Variants in ZNF143 observed in about 807,000 individuals in gnomAD.
ZNF143 encodes the protein SPH-binding factor.
Under a neutral mutation model 74.1 loss-of-function variants are expected in ZNF143, and 49 were observed. That is an observed-to-expected ratio of 0.66 (90% CI 0.53 to 0.84). ZNF143 has a LOEUF of 0.84. ZNF143 is among the 40% of genes least tolerant of loss of function. The pLI, the probability that ZNF143 is intolerant of heterozygous loss-of-function variation, is 0.00. For missense variants in ZNF143, 637 were observed against 793.4 expected, an observed-to-expected ratio of 0.80 and a Z score of 2.37; for synonymous variants, 304 against 282.8, an observed-to-expected ratio of 1.07 and a Z score of -0.75.
intron 12 of ZNF143, 66 bp from the exon 13 acceptor site, chr11:9,512,382 A>G (rs2134180367): frequency 6.5e-7 from 1 of 1,547,572 alleles, no homozygotes; most frequent in South Asian, 1.2e-5. Context: ...TTTAATATTT[A>G]AAATGTCCTA....
chr11:9,500,171 T>A (rs1214790002), intron 10 of ZNF143, among the ~76,000 whole-genome samples: 1 of 151,870 alleles, frequency 6.6e-6, no homozygotes, highest in Non-Finnish European at 1.5e-5. Context: ...GGTCTTGAAC[T>A]CCTGAGCTCA....
intron 1 of ZNF143, among the ~76,000 whole-genome samples, chr11:9,464,417 A>G (rs553450169): frequency 6.6e-6 from 1 of 152,126 alleles, no homozygotes; most frequent in Admixed American, 6.5e-5. Flanking sequence ...CCTGGCCAAC[A>G]TGGTGAAACC....
chr11:9,461,063 A>G lies in ZNF143; in HGVS notation c.-21A>G. ...GTGGTCGGACGAAGGAATTGTTGGAAAATTTTCTCGGAGGTTCGTATATAA... is the reference window on the plus strand; with the variant it reads ...GTGGTCGGACGAAGGAATTGTTGGAGAATTTTCTCGGAGGTTCGTATATAA... On this transcript the variant is annotated 5_prime_UTR_variant, in exon 1 of 16. Transcript: ENST00000396602. 1 of 985,582 alleles carries G rather than the reference A, an allele frequency of 1.0e-6. No homozygotes were observed. Among genetic ancestry groups the G allele is most frequent in the Non-Finnish European group, 1.2e-6 (1 of 829,946 alleles). 61.1% of individuals were successfully genotyped at this position (985,582 alleles called of 1,614,324 possible).
intron 7 of ZNF143, among the ~76,000 whole-genome samples, chr11:9,491,544 C>T (rs1047680693): frequency 2.6e-5 from 4 of 151,826 alleles, no homozygotes; most frequent in African/African-American, 9.7e-5. Context: ...GAGGCTGAGG[C>T]AGGAGAATGG....
intron 2 of ZNF143, among the ~76,000 whole-genome samples, chr11:9,472,230 G>GT (rs1465523606): frequency 2.6e-5 from 4 of 152,004 alleles, no homozygotes; most frequent in African/African-American, 9.6e-5. Flanking sequence ...TTCCCAGCCT[G>GT]TTTTTGGTAA....
At chr11:9,471,526 C>G (rs894941507) in intron 2 of ZNF143, 106 bp downstream of exon 2, 7 of 773,786 alleles carry the variant, frequency 9.0e-6, no homozygotes, top group Admixed American at 3.7e-5. Flanking sequence ...CAATATAAAC[C>G]TAGGTCTTTT....
At chr11:9,493,882 A>G (rs1004617228) in intron 7 of ZNF143, among the ~76,000 whole-genome samples, 12 of 152,338 alleles carry the variant, frequency 7.9e-5, no homozygotes, top group African/African-American at 2.9e-4. Context: ...ATAAGTACAG[A>G]GTAGTAGTAT....
In ZNF143 at chr11:9,494,784, TTC is replaced by T; in HGVS notation, c.765+21_765+22del. The T allele has an allele frequency of 6.3e-7, 1 of 1,595,634 alleles. No individual in the cohort carries two copies. Among genetic ancestry groups the T allele is most frequent in the Non-Finnish European group, 8.6e-7 (1 of 1,165,232 alleles). ...TCTCAAGGTATATATAAAAGAAATG[TTC>T]TATCTAGTTATGAGAATACCTAGGA... On this transcript the variant is annotated intron_variant, in intron 8 of 15. Coordinates refer to ENST00000396602, the MANE Select transcript of ZNF143 (RefSeq NM_003442.6).
intron 4 of ZNF143, 30 bp from the exon 5 acceptor site, chr11:9,474,520 T>C: frequency 6.2e-7 from 1 of 1,605,246 alleles, no homozygotes; most frequent in South Asian, 1.1e-5. Flanking sequence ...CTAGAAAACA[T>C]GAGATCTAAA....
intron 11 of ZNF143, among the ~76,000 whole-genome samples, chr11:9,505,565 C>T (rs1848333830): frequency 6.6e-6 from 1 of 152,012 alleles, no homozygotes; most frequent in Admixed American, 6.6e-5. Context: ...AAACATGTAC[C>T]TACGAATGAG....
At chr11:9,467,845 C>CA (rs971001404) in intron 1 of ZNF143, among the ~76,000 whole-genome samples, 39,074 of 79,572 alleles carry the variant, frequency 0.49, 9,010 homozygotes, top group Non-Finnish European at 0.59. Flanking sequence ...ACTCCATCTC[C>CA]AAAAAAAAAA....
At chr11:9,479,436 T>C (rs1236409209) in intron 6 of ZNF143, 36 bp from the exon 7 acceptor site, 6 of 1,566,202 alleles carry the variant, frequency 3.8e-6, no homozygotes, top group Non-Finnish European at 4.4e-6. Context: ...ATTATCAAAA[T>C]GTAAAACATT....
At chr11:9,520,112 C>T (rs1245861816) in intron 14 of ZNF143, among the ~76,000 whole-genome samples, 1 of 143,110 alleles carries the variant, frequency 7.0e-6, no homozygotes, top group Non-Finnish European at 1.5e-5. Flanking sequence ...TCTCGGCTCA[C>T]TGCAACTTCC....
chr11:9,500,134 A>G (rs1419679020), intron 10 of ZNF143, among the ~76,000 whole-genome samples: 1 of 151,932 alleles, frequency 6.6e-6, no homozygotes, highest in African/African-American at 2.4e-5. Context: ...TTTTGTAGAG[A>G]CGGGGTTTCG....
At chr11:9,478,014 G>C (rs1172161362) in intron 5 of ZNF143, among the ~76,000 whole-genome samples, 2 of 152,150 alleles carry the variant, frequency 1.3e-5, no homozygotes, top group Non-Finnish European at 2.9e-5. Flanking sequence ...TTTTAGTAGA[G>C]AGGGTGTTTC....
intron 1 of ZNF143, among the ~76,000 whole-genome samples, chr11:9,466,235 A>T (rs1856203110): frequency 2.0e-5 from 3 of 151,568 alleles, no homozygotes; most frequent in Non-Finnish European, 4.4e-5. Context: ...CACCCATCTC[A>T]GCCTCCCAGA....
At chr11:9,484,821 G>A (rs1372246715) in intron 7 of ZNF143, among the ~76,000 whole-genome samples, 3 of 2,732 alleles carry the variant, frequency 1.1e-3, no homozygotes, top group East Asian at 0.018. Context: ...TTTTTGAGAC[G>A]GAGTCTAGCT....
chr11:9,489,717 A>C (rs1365507782), intron 7 of ZNF143, among the ~76,000 whole-genome samples: 1 of 152,208 alleles, frequency 6.6e-6, no homozygotes, highest in Non-Finnish European at 1.5e-5. Context: ...AGATGTGGAA[A>C]GCTGGTAAGC....
intron 12 of ZNF143, among the ~76,000 whole-genome samples, chr11:9,510,180 A>G (rs1462288175): frequency 6.7e-6 from 1 of 148,532 alleles, no homozygotes; most frequent in Non-Finnish European, 1.5e-5. Flanking sequence ...GCTGGAGTGC[A>G]GTGGTGCGAT....
Sources: allele counts gnomAD v4.1 joint callset (sites outside exome capture counted in the v4.1 genomes callset), GRCh38; gene constraint gnomAD v4.1.1; transcripts MANE v1.5; gene names NCBI Gene and HGNC (gene_info 2026-07-23, HGNC 2026-07-21).